UBE2E1: variants seen among roughly 807,000 people sequenced by gnomAD.
The protein encoded by UBE2E1 is ubiquitin conjugating enzyme E2 E1.
UBE2E1 carries 6 observed loss-of-function variants against 21.4 expected under a neutral mutation model. That is an observed-to-expected ratio of 0.28 (90% CI 0.15 to 0.55). The LOEUF (loss-of-function observed/expected upper bound fraction) is 0.55. Ranked by LOEUF, UBE2E1 falls within the 20% of genes least tolerant of loss-of-function variation. The probability of loss-of-function intolerance (pLI) is 0.93; values close to 1 mark genes in which losing one functional copy is unlikely to be tolerated. For missense variants in UBE2E1, 142 were observed against 236.5 expected (o/e 0.60, Z 2.62); for synonymous variants, 87 against 82.7 (o/e 1.05, Z -0.28).
chr3:23,883,904 C>CGAAA (rs1701113461), intron 3 of UBE2E1, among the ~76,000 whole-genome samples: 1 of 87,252 alleles, frequency 1.1e-5, no homozygotes, highest in African/African-American at 4.1e-5. Context: ...TGACAGATCT[C>CGAAA]AAAAAAAAAA....
intron 3 of UBE2E1, among the ~76,000 whole-genome samples, chr3:23,881,534 T>C (rs1701041108): frequency 6.6e-6 from 1 of 152,244 alleles, no homozygotes; most frequent in Non-Finnish European, 1.5e-5. Flanking sequence ...CACAGTCTTA[T>C]ACTTATTTCT....
rs71057628 is a variant in UBE2E1 at position 23,850,837 on chromosome 3, C to CTT, written c.204-36708_204-36707dup. Reference sequence around the variant, plus strand: ...TACAGATGTGCGCCACCACACCCAGCTTTTTTTTTTTTTTTTTTTTTTTAA... The same window carrying CTT: ...TACAGATGTGCGCCACCACACCCAGCTTTTTTTTTTTTTTTTTTTTTTTTTAA... On this transcript the variant is annotated intron_variant, in intron 3 of 5. Transcript: ENST00000306627. Among the ~76,000 whole-genome samples the CTT allele has an allele frequency of 2.5e-3, 324 of 128,358 alleles. 5 individuals are homozygous for CTT. Among genetic ancestry groups the CTT allele is most frequent in the African/African-American group, 6.5e-3 (226 of 34,816 alleles). The allele number at this position is 128,358 out of a possible 152,430, so 84.2% of individuals were successfully genotyped here.
intron 3 of UBE2E1, among the ~76,000 whole-genome samples, chr3:23,839,011 C>T (rs1239223190): frequency 5.3e-5 from 8 of 151,800 alleles, no homozygotes; most frequent in East Asian, 1.9e-4. Context: ...TCACAGACTA[C>T]GTTCACGTGA....
intron 3 of UBE2E1, among the ~76,000 whole-genome samples, chr3:23,829,154 G>T: frequency 9.0e-6 from 1 of 111,700 alleles, no homozygotes. Flanking sequence ...ATTATTTTGA[G>T]ACAGGGCCTC....
chr3:23,831,025 G>A (rs559825849), intron 3 of UBE2E1, among the ~76,000 whole-genome samples: 1 of 152,152 alleles, frequency 6.6e-6, no homozygotes, highest in Non-Finnish European at 1.5e-5. Flanking sequence ...ACGTGATCTG[G>A]CTTCAGGGCC....
intron 3 of UBE2E1, among the ~76,000 whole-genome samples, chr3:23,829,438 G>A (rs1401708883): frequency 6.6e-6 from 1 of 151,918 alleles, no homozygotes; most frequent in African/African-American, 2.4e-5. Flanking sequence ...GGGATTACAG[G>A]TGTGAATCAC....
At chr3:23,845,023 A>G (rs1318848285) in intron 3 of UBE2E1, among the ~76,000 whole-genome samples, 1 of 152,186 alleles carries the variant, frequency 6.6e-6, no homozygotes, top group Non-Finnish European at 1.5e-5. Context: ...TTGACTCACC[A>G]CAAGGAGGTA....
intron 3 of UBE2E1, among the ~76,000 whole-genome samples, chr3:23,834,439 A>T (rs1699935079): frequency 6.6e-6 from 1 of 151,850 alleles, no homozygotes; most frequent in African/African-American, 2.4e-5. Flanking sequence ...TTCTCACATA[A>T]CCTCTGTAGC....
chr3:23,832,560 G>A (rs920298986), intron 3 of UBE2E1, among the ~76,000 whole-genome samples: 4 of 152,134 alleles, frequency 2.6e-5, no homozygotes, highest in African/African-American at 7.2e-5. Context: ...CAGGAGAATC[G>A]CTTGAACCCG....
intron 3 of UBE2E1, among the ~76,000 whole-genome samples, chr3:23,813,449 G>A (rs974151114): frequency 3.3e-5 from 5 of 151,952 alleles, no homozygotes; most frequent in Admixed American, 1.3e-4. Context: ...AAAAGAGTTC[G>A]GTTTTACGTT....
intron 3 of UBE2E1, among the ~76,000 whole-genome samples, chr3:23,835,684 TA>T (rs1399993503): frequency 3.9e-5 from 6 of 152,206 alleles, no homozygotes; most frequent in African/African-American, 9.7e-5. Context: ...AATCATCAAT[TA>T]TTCAAAATAA....
At position 23,870,230 on chromosome 3, in the gene UBE2E1, G is replaced by A. The variant is rs1468364708; in HGVS notation, c.204-17337G>A. Among the ~76,000 whole-genome samples the A allele has an allele frequency of 5.3e-5, 8 of 152,158 alleles. No individual in the cohort carries two copies. Among genetic ancestry groups the A allele is most frequent in the Non-Finnish European group, 1.0e-4 (7 of 68,030 alleles). On this transcript the variant is annotated intron_variant, in intron 3 of 5. Transcript: ENST00000306627. This position sits in a 1 kb window ranked among gnomAD's most constrained non-coding sequence, Gnocchi z 4.2. ...AGAGTTTCCAAGGCACATAGAAAGG[G>A]AGAGACAGACAGCTGCAGGATGAGA... is the stretch of plus-strand genomic sequence containing the variant.
chr3:23,840,722 A>T (rs1055736091), intron 3 of UBE2E1, among the ~76,000 whole-genome samples: 1 of 152,122 alleles, frequency 6.6e-6, no homozygotes, highest in Non-Finnish European at 1.5e-5. Context: ...CCTCTCATGC[A>T]TGTGCTAATT....
intron 3 of UBE2E1, among the ~76,000 whole-genome samples, chr3:23,832,910 T>C (rs1185866766): frequency 6.6e-6 from 1 of 152,090 alleles, no homozygotes; most frequent in Non-Finnish European, 1.5e-5. Flanking sequence ...GTGGTGTGCC[T>C]GTCATCCCAT....
chr3:23,830,959 T>G (rs868499538), intron 3 of UBE2E1, among the ~76,000 whole-genome samples: 1 of 152,186 alleles, frequency 6.6e-6, no homozygotes, highest in Non-Finnish European at 1.5e-5. Context: ...TTACAGATTA[T>G]GAAATCAACA....
At chr3:23,884,876 G>C (rs559374468) in intron 3 of UBE2E1, among the ~76,000 whole-genome samples, 2 of 152,162 alleles carry the variant, frequency 1.3e-5, no homozygotes, top group East Asian at 1.9e-4. Context: ...CCATAAACTA[G>C]ATAAAAGAGC....
rs747699090 is a variant in UBE2E1 at position 23,887,037 on chromosome 3, C to T, written c.204-530C>T. Among the ~76,000 whole-genome samples, 21 of 152,176 alleles carry T rather than the reference C, an allele frequency of 1.4e-4. No individual in the cohort carries two copies. The highest frequency in any genetic ancestry group is 2.5e-4 in the Non-Finnish European group (17 of 68,034). On this transcript the variant is annotated intron_variant, in intron 3 of 5. Transcript: ENST00000306627. This position sits in a 1 kb window ranked among gnomAD's most constrained non-coding sequence, Gnocchi z 4.4. ...AAATTGAATAACCTGTAACTGGATA[C>T]TTACCATTCTCCTCCCACCTAACAT...
rs1231154362 is a variant in UBE2E1, at chr3:23,821,902, C to CTGAGGAATATTGTGAGCT, written c.203+10396_203+10397insGAATATTGTGAGCTTGAG. On this transcript the variant is annotated intron_variant, in intron 3 of 5. Transcript: ENST00000306627. ...AAGTTAGACATAGGTAATTGGAGCTCTGAGATACATACACATTTGTAAAGG... is the reference window on the plus strand; with the variant it reads ...AAGTTAGACATAGGTAATTGGAGCTCTGAGGAATATTGTGAGCTTGAGATACATACACATTTGTAAAGG... Among the ~76,000 whole-genome samples the CTGAGGAATATTGTGAGCT allele has an allele frequency of 8.2e-4, 124 of 151,678 alleles. 2 individuals are homozygous for CTGAGGAATATTGTGAGCT. The East Asian group carries it at 0.013, about 16-fold the overall frequency.
intron 3 of UBE2E1, among the ~76,000 whole-genome samples, chr3:23,849,685 A>G (rs1457944645): frequency 5.9e-5 from 9 of 152,164 alleles, no homozygotes. Context: ...AATAACATGA[A>G]CTGATTCTTT....
Sources: allele counts gnomAD v4.1 joint callset (sites outside exome capture counted in the v4.1 genomes callset), GRCh38; gene constraint gnomAD v4.1.1; non-coding constraint Gnocchi (gnomAD v3.1); transcripts MANE v1.5; gene names NCBI Gene and HGNC (gene_info 2026-07-23, HGNC 2026-07-21).